The following RGS12 variants were observed in gnomAD, a reference collection of about 807,000 sequenced individuals.
RGS12 encodes regulator of G-protein signaling 12.
Under a neutral mutation model 120.1 loss-of-function variants are expected in RGS12, and 66 were observed. The observed-to-expected ratio is 0.55, with a 90% CI of 0.45 to 0.67. The LOEUF is 0.67. RGS12 is among the 30% of genes least tolerant of loss of function. The pLI is 0.00. For missense variants in RGS12, 1,859 were observed against 1,957.7 expected, an observed-to-expected ratio of 0.95 and a Z score of 0.95; for synonymous variants, 827 against 804.7, an observed-to-expected ratio of 1.03 and a Z score of -0.47.
chr4:3,310,793 G>A (rs182837663), intron 1 of RGS12, among the ~76,000 whole-genome samples: 78 of 152,228 alleles, frequency 5.1e-4, no homozygotes, highest in Admixed American at 2.4e-3. Context: ...GTGGGCAGGC[G>A]CCTGCGGGGG....
intron 3 of RGS12, among the ~76,000 whole-genome samples, chr4:3,355,241 A>T (rs78549472): frequency 0.032 from 4,898 of 152,324 alleles, 242 homozygotes; most frequent in African/African-American, 0.11. Flanking sequence ...GTATCCATTT[A>T]TGGTAAAACA....
At chr4:3,380,959 T>C (rs1718199157) in intron 3 of RGS12, among the ~76,000 whole-genome samples, 1 of 152,238 alleles carries the variant, frequency 6.6e-6, no homozygotes, top group Admixed American at 6.5e-5. Context: ...AGAAAATTTT[T>C]TCTTCTTTTC....
At chr4:3,315,397 C>CT (rs1342036590) in intron 1 of RGS12, among the ~76,000 whole-genome samples, 2 of 152,294 alleles carry the variant, frequency 1.3e-5, no homozygotes, top group East Asian at 3.9e-4. Flanking sequence ...GACATTTCTG[C>CT]TTTTTTAGGT....
At chr4:3,295,208 G>T (rs1017723487) in intron 1 of RGS12, among the ~76,000 whole-genome samples, 2 of 152,198 alleles carry the variant, frequency 1.3e-5, no homozygotes, top group Admixed American at 6.5e-5. Flanking sequence ...GCTGTGGGAA[G>T]GTCGGGGGTA....
chr4:3,358,334 T>A (rs1419355769), intron 3 of RGS12, among the ~76,000 whole-genome samples: 1 of 152,226 alleles, frequency 6.6e-6, no homozygotes, highest in African/African-American at 2.4e-5. Context: ...TTTCTTTTTT[T>A]GCCTAATTGC....
chr4:3,398,036 C>CT (rs1720217410), intron 4 of RGS12, among the ~76,000 whole-genome samples: 1 of 152,186 alleles, frequency 6.6e-6, no homozygotes, highest in Non-Finnish European at 1.5e-5. Flanking sequence ...GGACCCATTA[C>CT]TTACAGACTT....
Position 3,435,423 on chromosome 4 carries a change from C to T in RGS12, c.4115-4032C>T, listed in dbSNP as rs751337014. Among the ~76,000 whole-genome samples, 7 of 152,188 alleles carry T rather than the reference C, an allele frequency of 4.6e-5. No individual in the cohort carries two copies. The South Asian group carries it at 6.2e-4, about 14-fold the overall frequency. On this transcript the variant is annotated intron_variant, in intron 17 of 17. Coordinates refer to ENST00000336727, the MANE Select transcript of RGS12 (RefSeq NM_001394154.1). ...CCCTCACTCTGATGTGGATTGAGAC[C>T]GCTGGTTTTCTTGGGGACACAGCCC...
In RGS12 at chr4:3,365,141, G is replaced by C. The variant is rs16844201; in HGVS notation, c.1999-21275G>C. On this transcript the variant is annotated intron_variant, in intron 3 of 17. Transcript: ENST00000336727. This position sits in a 1 kb window ranked among gnomAD's most constrained non-coding sequence, Gnocchi z 4.0. ...TGGGCTGGAGCCTGGGAGAGACCTG[G>C]ACTCAGGGACTGGGCAGAGAGGGGA... 0.23 allele frequency among the ~76,000 whole-genome samples: 34,584 copies of C among 152,130 alleles called. 4,495 individuals are homozygous for C. Among genetic ancestry groups the C allele is most frequent in the South Asian group, 0.35 (1,694 of 4,816 alleles).
chr4:3,386,981 G>A (rs1480164958), intron 4 of RGS12, among the ~76,000 whole-genome samples: 1 of 152,150 alleles, frequency 6.6e-6, no homozygotes, highest in African/African-American at 2.4e-5. Flanking sequence ...AAGTAGGCAG[G>A]AATGTCTTAT....
At chr4:3,340,816 C>T (rs958900309) in intron 2 of RGS12, among the ~76,000 whole-genome samples, 3 of 152,124 alleles carry the variant, frequency 2.0e-5, no homozygotes, top group Non-Finnish European at 2.9e-5. Context: ...GGAGGCACGG[C>T]GTGCACGGGG....
intron 2 of RGS12, among the ~76,000 whole-genome samples, chr4:3,318,521 A>G (rs1326750992): frequency 2.6e-5 from 4 of 152,198 alleles, no homozygotes; most frequent in Admixed American, 6.5e-5. Flanking sequence ...TGTTTCCTCC[A>G]TGGGGAATAT....
intron 1 of RGS12, among the ~76,000 whole-genome samples, chr4:3,305,277 A>G (rs762799616): frequency 6.6e-6 from 1 of 152,148 alleles, no homozygotes; most frequent in Non-Finnish European, 1.5e-5. Context: ...GGTCCAGCCT[A>G]CACCCCAGTG....
Position 3,438,578 on chromosome 4 carries a change from C to T in RGS12, c.4115-877C>T, listed in dbSNP as rs377055605. Among the ~76,000 whole-genome samples, 69 of 151,878 alleles carry T rather than the reference C, an allele frequency of 4.5e-4. No homozygotes were observed. In the East Asian group the frequency reaches 9.4e-3, roughly 21 times the overall value. ...GTTCACTTTCCTTGGCCCCAGCCTT[C>T]GTTGGCCCCTGGGGACTCCACCCTG... On this transcript the variant is annotated intron_variant, in intron 17 of 17. Transcript: ENST00000336727.
intron 7 of RGS12, among the ~76,000 whole-genome samples, chr4:3,416,617 A>G (rs955219539): frequency 5.3e-5 from 8 of 152,204 alleles, no homozygotes; most frequent in Non-Finnish European, 1.0e-4. Flanking sequence ...AATCTTATTT[A>G]ACAAAATAAA....
At position 3,389,878 on chromosome 4, in the gene RGS12, C is replaced by T. The variant is rs563250209; in HGVS notation, c.2020+3441C>T. 6.6e-6 allele frequency among the ~76,000 whole-genome samples: 1 copy of T among 152,310 alleles called. No homozygotes were observed. The highest frequency in any genetic ancestry group is 1.9e-4 in the East Asian group (1 of 5,180). On this transcript the variant is annotated intron_variant, in intron 4 of 17. Transcript: ENST00000336727. The surrounding 1 kb of genome is among the most constrained non-coding windows in gnomAD (Gnocchi z 5.2). Reference sequence around the variant, plus strand: ...CGTTCTCGCAGCCTCACCCTGGGGACCCCCGACACGTACTAGTCGCAGTCC... The same window carrying T: ...CGTTCTCGCAGCCTCACCCTGGGGATCCCCGACACGTACTAGTCGCAGTCC...
At chr4:3,414,273 C>G in intron 5 of RGS12, 32 bp downstream of exon 5, 1 of 1,510,722 alleles carries the variant, frequency 6.6e-7, no homozygotes, top group Non-Finnish European at 8.9e-7. Flanking sequence ...AGCAGCGGAG[C>G]GGTCTGTGCT....
intron 2 of RGS12, among the ~76,000 whole-genome samples, chr4:3,332,497 G>A (rs1711972278): frequency 6.6e-6 from 1 of 152,220 alleles, no homozygotes; most frequent in Non-Finnish European, 1.5e-5. Flanking sequence ...GAGCATTCTT[G>A]TACCTGTCTC....
In RGS12 at chr4:3,386,402, C is replaced by G; in HGVS notation, c.1999-14C>G. The G allele has an allele frequency of 6.2e-7, 1 of 1,611,766 alleles. No homozygotes were observed. Among genetic ancestry groups the G allele is most frequent in the South Asian group, 1.1e-5 (1 of 91,018 alleles). On this transcript the variant is annotated splice_polypyrimidine_tract_variant and intron_variant, in intron 3 of 17. Coordinates refer to ENST00000336727, the MANE Select transcript of RGS12 (RefSeq NM_001394154.1). ...AGGCTTAATTAACTCATGTCTCTCT[C>G]TCTTTTCTTTCAGTCTGCAACTGTG...
At chr4:3,411,811 A>G (rs534619535) in intron 4 of RGS12, among the ~76,000 whole-genome samples, 2 of 152,270 alleles carry the variant, frequency 1.3e-5, no homozygotes, top group Non-Finnish European at 2.9e-5. Flanking sequence ...GGAGCCTCAC[A>G]TGGCCCCTGT....
Sources: gnomAD v4.1 joint callset for allele counts (sites outside exome capture counted in the v4.1 genomes callset) on GRCh38, gnomAD v4.1.1 for gene constraint, Gnocchi (gnomAD v3.1) non-coding constraint, MANE v1.5 for transcripts, NCBI Gene and HGNC (gene_info 2026-07-23, HGNC 2026-07-21) for gene names.